The following DOCK10 variants were observed in gnomAD, a reference collection of about 807,000 sequenced individuals.
DOCK10 encodes dedicator of cytokinesis protein 10.
Under a neutral mutation model 280.1 loss-of-function variants are expected in DOCK10, and 145 were observed. That is an observed-to-expected ratio of 0.52 (90% CI 0.45 to 0.59). The LOEUF (loss-of-function observed/expected upper bound fraction) is 0.59, where lower values mean the gene tolerates loss of function less well. Ranked by LOEUF, DOCK10 falls within the 20% of genes least tolerant of loss-of-function variation. The probability of loss-of-function intolerance (pLI) is 0.00; values close to 1 mark genes in which losing one functional copy is unlikely to be tolerated. For missense variants in DOCK10, 2,368 were observed against 2,651.7 expected, an observed-to-expected ratio of 0.89 and a Z score of 2.35; for synonymous variants, 915 against 942.2, an observed-to-expected ratio of 0.97 and a Z score of 0.53.
Position 224,970,566 on chromosome 2 carries a change from C to A in DOCK10, c.124-38898G>T, listed in dbSNP as rs879723570. On this transcript the variant is annotated intron_variant, in intron 1 of 55. Transcript: ENST00000258390. The surrounding 1 kb of genome is among the most constrained non-coding windows in gnomAD (Gnocchi z 4.6). Reference sequence around the variant, plus strand: ...GTTCCCAAAATAGAATTCTATAAACCCTTCAATCCGAAGAGATTACAACAA... The same window carrying A: ...GTTCCCAAAATAGAATTCTATAAACACTTCAATCCGAAGAGATTACAACAA... Among the ~76,000 whole-genome samples the A allele has an allele frequency of 2.6e-5, 4 of 152,142 alleles. No homozygotes were observed. Among genetic ancestry groups the A allele is most frequent in the Non-Finnish European group, 5.9e-5 (4 of 68,028 alleles).
intron 1 of DOCK10, among the ~76,000 whole-genome samples, chr2:225,029,711 G>A (rs1009103620): frequency 6.6e-6 from 1 of 152,268 alleles, no homozygotes; most frequent in South Asian, 2.1e-4. Flanking sequence ...ATGTTTTTGT[G>A]AAGAGACAAA....
intron 25 of DOCK10, among the ~76,000 whole-genome samples, chr2:224,835,611 G>A (rs1695541254): frequency 6.6e-6 from 1 of 152,180 alleles, no homozygotes; most frequent in Admixed American, 6.5e-5. Flanking sequence ...TGATAGAACT[G>A]AATGTTCCTT....
intron 40 of DOCK10, among the ~76,000 whole-genome samples, chr2:224,800,671 A>T (rs1692919960): frequency 6.6e-6 from 1 of 152,220 alleles, no homozygotes; most frequent in Non-Finnish European, 1.5e-5. Flanking sequence ...ACTTTCAAAC[A>T]AGTAACTGTG....
In DOCK10 at chr2:224,931,596, T is replaced by G. The variant is rs778796863; in HGVS notation, c.196A>C (p.Asn66His). Residue 66 changes from asparagine (N) to histidine (H), a missense_variant, in exon 2 of 56, where the codon AAT (asparagine) becomes CAT (histidine). By Grantham distance (68) the Asn-to-His change is moderately conservative (BLOSUM62 1). Around this residue, in one of 2 missense-constraint regions of DOCK10, gnomAD observed 1,209 missense variants for 1,250.9 expected, o/e 0.97. Transcript: ENST00000258390. The part of the protein sequence containing the change: ...VIEELEKTYR[N>H]DPLQDLLFFP... Reference sequence around the variant, plus strand: ...AACAAGAGATCTTGAAGAGGATCATTCCGGTAGGTCTTTTCAAGTTCTTCA... The same window carrying G: ...AACAAGAGATCTTGAAGAGGATCATGCCGGTAGGTCTTTTCAAGTTCTTCA... 1 of 1,612,098 alleles carries G rather than the reference T, an allele frequency of 6.2e-7. No homozygotes were observed. The highest frequency in any genetic ancestry group is 8.5e-7 in the Non-Finnish European group (1 of 1,179,098).
Position 224,770,754 on chromosome 2 carries a change from C to T in DOCK10, c.6205-109G>A. 1.3e-6 allele frequency: 1 copy of T among 747,438 alleles called. No individual in the cohort carries two copies. The highest frequency in any genetic ancestry group is 2.3e-6 in the Non-Finnish European group (1 of 433,354). The allele number at this position is 747,438 out of a possible 1,614,324, so 46.3% of individuals were successfully genotyped here. A position where few individuals can be genotyped will look rare whatever the true frequency, so the allele number is the denominator to read the frequency against. On this transcript the variant is annotated intron_variant, in intron 53 of 55. Coordinates refer to ENST00000258390, the MANE Select transcript of DOCK10 (RefSeq NM_014689.3). The surrounding 1 kb of genome is among the most constrained non-coding windows in gnomAD (Gnocchi z 4.5). ...AATGGTGTGGTACCCCCATCTCACA[C>T]CCTGCCTTCTAGTCCACTCATTTGT...
rs1215947801 is a variant in DOCK10 at position 224,845,614 on chromosome 2, T to C, written c.2264A>G (p.His755Arg). ...AGAAAACAAAATATGGTGTTTCTCA[T>C]GGAGTTGTGTTGGTAGCTCAATTTT... is the stretch of plus-strand genomic sequence containing the variant. ...EVKIELPTQL[H>R]EKHHILFSFY... The change falls in exon 20 of 56, where the codon CAT becomes CGT. Residue 755 changes from histidine to arginine, a missense_variant. By Grantham distance (29) the His-to-Arg change is conservative. Transcript: ENST00000258390. 3 of 1,612,704 alleles carry C rather than the reference T, an allele frequency of 1.9e-6. No homozygotes were observed. Among genetic ancestry groups the C allele is most frequent in the Admixed American group, 1.7e-5 (1 of 59,816 alleles).
intron 1 of DOCK10, among the ~76,000 whole-genome samples, chr2:225,031,862 A>T (rs913571121): frequency 6.6e-6 from 1 of 152,212 alleles, no homozygotes; most frequent in Non-Finnish European, 1.5e-5. Flanking sequence ...ATAAGGTCAG[A>T]AGAACCTGAC....
intron 11 of DOCK10, among the ~76,000 whole-genome samples, chr2:224,873,684 A>T (rs940820224): frequency 3.3e-5 from 5 of 150,562 alleles, no homozygotes; most frequent in Admixed American, 6.6e-5. Flanking sequence ...CACTGTGCTG[A>T]TTTCATAGAA....
At chr2:224,778,542 C>A (rs1404055624) in intron 50 of DOCK10, 1 of 476,400 alleles carries the variant, frequency 2.1e-6, no homozygotes, top group Non-Finnish European at 3.8e-6. Context: ...ATATTATTTT[C>A]TCTATTTGTA....
chr2:225,027,690 C>T (rs1054357411), intron 1 of DOCK10, among the ~76,000 whole-genome samples: 1 of 152,116 alleles, frequency 6.6e-6, no homozygotes, highest in Non-Finnish European at 1.5e-5. Context: ...AAAAGCTCCC[C>T]AAGGTCTCCC....
chr2:224,980,554 G>A (rs531483393), intron 1 of DOCK10, among the ~76,000 whole-genome samples: 154 of 152,310 alleles, frequency 1.0e-3, no homozygotes, highest in African/African-American at 3.2e-3. Context: ...CCATTAGCGA[G>A]TGTGTGAATT....
chr2:224,984,722 G>C (rs1705917981), intron 1 of DOCK10, among the ~76,000 whole-genome samples: 1 of 152,168 alleles, frequency 6.6e-6, no homozygotes, highest in African/African-American at 2.4e-5. Context: ...TGCAAGAAAG[G>C]GTTTGGGTTC....
intron 1 of DOCK10, among the ~76,000 whole-genome samples, chr2:225,018,762 T>C (rs950673045): frequency 1.4e-5 from 2 of 147,194 alleles, no homozygotes; most frequent in Admixed American, 1.4e-4. Context: ...CACATATGTG[T>C]ATATGTACAT....
At chr2:224,976,805 G>C (rs1705471106) in intron 1 of DOCK10, among the ~76,000 whole-genome samples, 1 of 151,984 alleles carries the variant, frequency 6.6e-6, no homozygotes, top group Admixed American at 6.6e-5. Flanking sequence ...TATGGTCTCT[G>C]TATCTTTTGC....
chr2:225,041,421 T>G lies in DOCK10; in HGVS notation c.123+831A>C, dbSNP rs1690420677. ...GTCTCTTGCCACCTCTCCCCGGCAG[T>G]GTGGACCTACTGCAACGCAGGAACA... On this transcript the variant is annotated intron_variant, in intron 1 of 55. Transcript: ENST00000258390. Among the ~76,000 whole-genome samples the G allele has an allele frequency of 3.3e-5, 5 of 152,290 alleles. No individual in the cohort carries two copies. In the South Asian group the frequency reaches 1.0e-3, roughly 32 times the overall value.
rs138407771 is a variant in DOCK10 at position 225,004,820 on chromosome 2, T to C, written c.123+37432A>G. 2.0e-3 allele frequency among the ~76,000 whole-genome samples: 310 copies of C among 152,314 alleles called. 2 individuals carry two copies. The highest frequency in any genetic ancestry group is 7.7e-3 in the East Asian group (40 of 5,178). On this transcript the variant is annotated intron_variant, in intron 1 of 55. Coordinates refer to ENST00000258390, the MANE Select transcript of DOCK10 (RefSeq NM_014689.3). Reference sequence around the variant, plus strand: ...GCATTTTTTGCATTAAAAAAGCCATTAGAGTTTGTCCATCAGCAATTCAGT... The same window carrying C: ...GCATTTTTTGCATTAAAAAAGCCATCAGAGTTTGTCCATCAGCAATTCAGT...
intron 1 of DOCK10, among the ~76,000 whole-genome samples, chr2:225,040,625 A>T (rs1690394103): frequency 6.6e-6 from 1 of 152,098 alleles, no homozygotes; most frequent in South Asian, 2.1e-4. Context: ...CTACATTTAA[A>T]AAAACACACA....
chr2:224,773,821 G>A (rs1306493785), intron 52 of DOCK10, among the ~76,000 whole-genome samples: 2 of 151,822 alleles, frequency 1.3e-5, no homozygotes, highest in African/African-American at 2.4e-5. Flanking sequence ...TAGTAGAGAC[G>A]GGGTTTCACC....
intron 1 of DOCK10, among the ~76,000 whole-genome samples, chr2:224,935,935 C>T (rs1462352803): frequency 1.3e-5 from 2 of 152,136 alleles, no homozygotes; most frequent in African/African-American, 4.8e-5. Context: ...GATGTCTTTG[C>T]AATATTATCT....
Sources: allele counts gnomAD v4.1 joint callset (sites outside exome capture counted in the v4.1 genomes callset), GRCh38; gene constraint gnomAD v4.1.1; regional missense constraint gnomAD v4.1.1; non-coding constraint Gnocchi (gnomAD v3.1); transcripts MANE v1.5; gene names NCBI Gene and HGNC (gene_info 2026-07-23, HGNC 2026-07-21).